NEDD8: variants seen among roughly 807,000 people sequenced by gnomAD.
NEDD8 encodes NEDD8 ubiquitin like modifier.
Under a neutral mutation model 13.8 loss-of-function variants are expected in NEDD8, and 1 was observed. The ratio of observed to expected loss-of-function variants is 0.07; its 90% CI spans 0.03 to 0.34. The LOEUF (loss-of-function observed/expected upper bound fraction) is 0.34. NEDD8 is among the 10% of genes least tolerant of loss of function. The pLI, the probability that NEDD8 is intolerant of heterozygous loss-of-function variation, is 0.99. For missense variants in NEDD8, 10 were observed against 95.2 expected, an observed-to-expected ratio of 0.10 and a Z score of 3.73; for synonymous variants, 31 against 33.2, an observed-to-expected ratio of 0.93 and a Z score of 0.23.
At position 24,218,000 on chromosome 14, in the gene NEDD8, G is replaced by T. The variant is rs1000408551; in HGVS notation, c.149+133C>A. The T allele has an allele frequency of 3.8e-6, 4 of 1,065,554 alleles. No homozygotes were observed. The African/African-American group carries it at 6.3e-5, about 17-fold the overall frequency. The allele number at this position is 1,065,554 out of a possible 1,614,324, so 66.0% of individuals were successfully genotyped here. A position where few individuals can be genotyped will look rare whatever the true frequency, so the allele number is the denominator to read the frequency against. Reference sequence around the variant, plus strand: ...TCTTATTCTGAGAAGGGGCTTAGAGGCTTCACCAGATTGCCAAAGAGTCTT... The same window carrying T: ...TCTTATTCTGAGAAGGGGCTTAGAGTCTTCACCAGATTGCCAAAGAGTCTT... On this transcript the variant is annotated intron_variant, in intron 3 of 3. Transcript: ENST00000250495.
At chr14:24,224,721 A>G (rs1458983927) in intron 1 of NEDD8, among the ~76,000 whole-genome samples, 1 of 152,234 alleles carries the variant, frequency 6.6e-6, no homozygotes, top group Non-Finnish European at 1.5e-5. Flanking sequence ...CTAACATCAC[A>G]GAAAGCAAAA....
intron 1 of NEDD8, among the ~76,000 whole-genome samples, chr14:24,221,504 T>TCCTGA (rs928023831): frequency 4.6e-5 from 7 of 152,078 alleles, no homozygotes; most frequent in Non-Finnish European, 8.8e-5. Flanking sequence ...GGTCTCGAAC[T>TCCTGA]CCTGACCTCA....
At position 24,223,292 on chromosome 14, in the gene NEDD8, T is replaced by TA. The variant is rs2039837384; in HGVS notation, c.19-4862dup. ...CAGGCCTGTAGTCCCAGCAACTGGG[T>TA]ACTCAGAAGGCTGAGGCAAGACTGC... On this transcript the variant is annotated intron_variant, in intron 1 of 3. Transcript: ENST00000250495. Among the ~76,000 whole-genome samples, 3 of 151,270 alleles carry TA rather than the reference T, an allele frequency of 2.0e-5. No homozygotes were observed. The South Asian group carries it at 6.2e-4, about 31-fold the overall frequency.
intron 1 of NEDD8, among the ~76,000 whole-genome samples, chr14:24,225,100 G>A (rs1165693769): frequency 1.3e-5 from 2 of 149,148 alleles, no homozygotes; most frequent in African/African-American, 4.9e-5. Context: ...CCTGGAAGCA[G>A]AGAAGTTGCA....
At chr14:24,226,532 G>C (rs981394868) in intron 1 of NEDD8, 1 of 151,850 alleles carries the variant, frequency 6.6e-6, no homozygotes, top group African/African-American at 2.4e-5. Flanking sequence ...AACACAAGGG[G>C]CAATGACTAA....
At chr14:24,219,789 T>C (rs1259636718) in intron 1 of NEDD8, among the ~76,000 whole-genome samples, 1 of 152,196 alleles carries the variant, frequency 6.6e-6, no homozygotes, top group Non-Finnish European at 1.5e-5. Context: ...CTTCCGTTAT[T>C]TTCCTTGTTG....
At chr14:24,221,202 G>A (rs1055393760) in intron 1 of NEDD8, among the ~76,000 whole-genome samples, 1 of 152,058 alleles carries the variant, frequency 6.6e-6, no homozygotes, top group Admixed American at 6.5e-5. Flanking sequence ...TCCTTTCAGA[G>A]AATGGTGGTG....
chr14:24,218,450 T>G lies in NEDD8; in HGVS notation c.19-19A>C. Reference sequence around the variant, plus strand: ...TCAGCGTCTGAAACAGGCAATGGTTTCATGAGTCCTTAAAGCCCAATGTAC... The same window carrying G: ...TCAGCGTCTGAAACAGGCAATGGTTGCATGAGTCCTTAAAGCCCAATGTAC... On this transcript the variant is annotated intron_variant, in intron 1 of 3. Transcript: ENST00000250495. 6.2e-7 allele frequency: 1 copy of G among 1,614,228 alleles called. No individual in the cohort carries two copies. The highest frequency in any genetic ancestry group is 1.1e-5 in the South Asian group (1 of 91,082).
intron 1 of NEDD8, chr14:24,226,818 G>C (rs1020426419): frequency 1.3e-5 from 2 of 152,092 alleles, no homozygotes; most frequent in Non-Finnish European, 2.9e-5. Context: ...ACATGACCTA[G>C]TAATTTCATT....
At chr14:24,219,301 A>AAACAACAACAACAAC (rs147656745) in intron 1 of NEDD8, among the ~76,000 whole-genome samples, 1 of 148,692 alleles carries the variant, frequency 6.7e-6, no homozygotes, top group African/African-American at 2.5e-5. Context: ...GTCTCAACCA[A>AAACAACAACAACAAC]AACAACAACA....
intron 1 of NEDD8, among the ~76,000 whole-genome samples, chr14:24,230,063 C>T (rs139675400): frequency 1.0e-3 from 155 of 150,906 alleles, no homozygotes; most frequent in Non-Finnish European, 1.8e-3. Flanking sequence ...AGGGAGACTC[C>T]GTCTCAAATA....
At chr14:24,221,878 G>A (rs2039816356) in intron 1 of NEDD8, among the ~76,000 whole-genome samples, 1 of 152,132 alleles carries the variant, frequency 6.6e-6, no homozygotes, top group Non-Finnish European at 1.5e-5. Context: ...TTATAGATGT[G>A]GGCCACCGCA....
chr14:24,223,985 T>C (rs1182073905), intron 1 of NEDD8, among the ~76,000 whole-genome samples: 1 of 152,042 alleles, frequency 6.6e-6, no homozygotes, highest in Non-Finnish European at 1.5e-5. Flanking sequence ...TGGAGTGCAG[T>C]AGCACGATCT....
rs1055890463 is a variant in NEDD8 at position 24,222,172 on chromosome 14, T to C, written c.19-3741A>G. Among the ~76,000 whole-genome samples the C allele has an allele frequency of 2.8e-4, 43 of 152,218 alleles. 1 individual carries two copies. Among genetic ancestry groups the C allele is most frequent in the Non-Finnish European group, 1.0e-4 (7 of 68,042 alleles). ...TACAACAATGGTTATTGCAACCTTTTGATACTGTAAAATTAGAAACACAAT... is the reference window on the plus strand; with the variant it reads ...TACAACAATGGTTATTGCAACCTTTCGATACTGTAAAATTAGAAACACAAT... On this transcript the variant is annotated intron_variant, in intron 1 of 3. Coordinates refer to ENST00000250495, the MANE Select transcript of NEDD8 (RefSeq NM_006156.3).
chr14:24,218,517 A>T (rs1435200858), intron 1 of NEDD8, 86 bp from the exon 2 acceptor site: 14 of 1,585,748 alleles, frequency 8.8e-6, no homozygotes, highest in Non-Finnish European at 1.1e-5. Context: ...GGTCTTTGGG[A>T]TCTACTGCCT....
intron 1 of NEDD8, among the ~76,000 whole-genome samples, chr14:24,223,076 A>G (rs993540579): frequency 1.5e-5 from 2 of 129,322 alleles, no homozygotes; most frequent in Non-Finnish European, 3.2e-5. Context: ...ACAGAGCAAG[A>G]CTGCATTTCA....
intron 3 of NEDD8, 105 bp downstream of exon 3, chr14:24,218,028 G>C (rs1412711682): frequency 6.9e-7 from 1 of 1,451,114 alleles, no homozygotes; most frequent in Admixed American, 1.8e-5. Flanking sequence ...AGAGTCTTAG[G>C]CACCAAAAAC....
chr14:24,218,009 G>A (rs2039738507), intron 3 of NEDD8, 124 bp downstream of exon 3: 2 of 1,200,898 alleles, frequency 1.7e-6, no homozygotes, highest in Non-Finnish European at 1.2e-6. Context: ...GGCTTCACCA[G>A]ATTGCCAAAG....
chr14:24,223,313 A>T (rs910818144), intron 1 of NEDD8, among the ~76,000 whole-genome samples: 2 of 151,612 alleles, frequency 1.3e-5, no homozygotes, highest in African/African-American at 4.9e-5. Flanking sequence ...CTGAGGCAAG[A>T]CTGCCCAAGC....
Sources: allele counts gnomAD v4.1 joint callset (sites outside exome capture counted in the v4.1 genomes callset), GRCh38; gene constraint gnomAD v4.1.1; transcripts MANE v1.5; gene names NCBI Gene and HGNC (gene_info 2026-07-23, HGNC 2026-07-21).